The following MCTP1 variants were observed in gnomAD, a reference collection of about 807,000 sequenced individuals.
MCTP1 encodes the protein multiple C2 and transmembrane domain containing 1.
A neutral mutation model predicts 120.6 loss-of-function variants in MCTP1; 69 were observed. The ratio of observed to expected loss-of-function variants is 0.57; its 90% CI spans 0.47 to 0.70. The LOEUF (loss-of-function observed/expected upper bound fraction) is 0.70. Among genes scored for constraint, MCTP1 ranks in the 30% least tolerant of loss-of-function variants. The pLI is 0.00. For synonymous variants in MCTP1, 529 were observed against 493.1 expected, an observed-to-expected ratio of 1.07 and a Z score of -0.96; for missense variants, 1,203 against 1,248.8, an observed-to-expected ratio of 0.96 and a Z score of 0.55.
intron 11 of MCTP1, among the ~76,000 whole-genome samples, chr5:94,892,837 A>G (rs2153398210): frequency 6.6e-6 from 1 of 152,366 alleles, no homozygotes; most frequent in East Asian, 1.9e-4. Context: ...TTCAGAAATG[A>G]TATGGCATTC....
chr5:95,046,698 C>T (rs1027092907), intron 1 of MCTP1, among the ~76,000 whole-genome samples: 2 of 152,152 alleles, frequency 1.3e-5, no homozygotes, highest in African/African-American at 4.8e-5. Flanking sequence ...AACCTCTCAT[C>T]CTGATCCTTC....
At chr5:95,261,690 T>C (rs1758483216) in intron 1 of MCTP1, among the ~76,000 whole-genome samples, 1 of 152,242 alleles carries the variant, frequency 6.6e-6, no homozygotes, top group Non-Finnish European at 1.5e-5. Context: ...CATCTGATTG[T>C]TTCTTCCTAA....
chr5:95,207,047 ATTG>A (rs373533541), intron 1 of MCTP1, among the ~76,000 whole-genome samples: 3 of 152,214 alleles, frequency 2.0e-5, no homozygotes, highest in African/African-American at 4.8e-5. Flanking sequence ...GGATTTTGTT[ATTG>A]TTGTTGTTTT....
At chr5:95,146,029 CT>C (rs913042211) in intron 1 of MCTP1, among the ~76,000 whole-genome samples, 1 of 150,124 alleles carries the variant, frequency 6.7e-6, no homozygotes, top group Non-Finnish European at 1.5e-5. Flanking sequence ...TGGCTTTTTT[CT>C]TTTTTTTTAA....
chr5:94,848,910 AACTT>A (rs1239376454), intron 17 of MCTP1, among the ~76,000 whole-genome samples: 11 of 151,870 alleles, frequency 7.2e-5, no homozygotes, highest in African/African-American at 2.7e-4. Flanking sequence ...CAACACCTGA[AACTT>A]AAAATACTAA....
intron 19 of MCTP1, among the ~76,000 whole-genome samples, chr5:94,739,919 C>CAGT (rs1765131528): frequency 6.6e-6 from 1 of 152,192 alleles, no homozygotes; most frequent in African/African-American, 2.4e-5. Flanking sequence ...CCACCCACCT[C>CAGT]AGTCTCCCAA....
intron 18 of MCTP1, among the ~76,000 whole-genome samples, chr5:94,795,560 A>AAACC: frequency 6.6e-6 from 1 of 152,348 alleles, no homozygotes; most frequent in African/African-American, 2.4e-5. Flanking sequence ...GTGACAGCTC[A>AAACC]AACCAACAGA....
chr5:94,795,177 C>T (rs1386245616), intron 18 of MCTP1, among the ~76,000 whole-genome samples: 1 of 139,360 alleles, frequency 7.2e-6, no homozygotes. Context: ...TCTCTTTTCT[C>T]AAGGAAGAGC....
At chr5:94,760,275 T>C (rs140242600) in intron 19 of MCTP1, among the ~76,000 whole-genome samples, 2 of 152,276 alleles carry the variant, frequency 1.3e-5, no homozygotes, top group East Asian at 3.9e-4. Flanking sequence ...ATTCAGAAAC[T>C]ATATGACTCT....
chr5:94,909,224 G>A (rs1581294811), intron 10 of MCTP1, 27 bp downstream of exon 10: 2 of 1,610,700 alleles, frequency 1.2e-6, no homozygotes, highest in Non-Finnish European at 1.7e-6. Context: ...CTCTAGGAGT[G>A]AACCAAAAAT....
intron 19 of MCTP1, among the ~76,000 whole-genome samples, chr5:94,716,007 ACT>A (rs1759108664): frequency 6.6e-6 from 1 of 152,156 alleles, no homozygotes; most frequent in Non-Finnish European, 1.5e-5. Context: ...AGTCTAAAGC[ACT>A]CTACAGTGTG....
intron 1 of MCTP1, among the ~76,000 whole-genome samples, chr5:95,189,532 G>A (rs1194417697): frequency 6.6e-6 from 1 of 152,150 alleles, no homozygotes; most frequent in African/African-American, 2.4e-5. Context: ...TGGAGGCAAG[G>A]AAATGTCTGG....
intron 1 of MCTP1, among the ~76,000 whole-genome samples, chr5:95,202,020 A>G (rs1751115102): frequency 1.3e-5 from 2 of 152,196 alleles, no homozygotes; most frequent in African/African-American, 2.4e-5. Context: ...TAACAATAGC[A>G]GGAGAACTGG....
At chr5:95,200,460 CA>C (rs1308320703) in intron 1 of MCTP1, among the ~76,000 whole-genome samples, 1 of 152,142 alleles carries the variant, frequency 6.6e-6, no homozygotes, top group African/African-American at 2.4e-5. Flanking sequence ...TGTCCTTCAA[CA>C]GGTAAATGGA....
chr5:94,766,727 A>G lies in MCTP1; in HGVS notation c.2610+12383T>C, dbSNP rs146991924. 7.1e-3 allele frequency among the ~76,000 whole-genome samples: 1,089 copies of G among 152,308 alleles called. 7 individuals carry two copies. Among genetic ancestry groups the G allele is most frequent in the Middle Eastern group, 0.027 (8 of 294 alleles). ...ATTCCTGGACACATACAGCCTACCAAGATTGAACCAGGAAGAAACAGAAAA... is the reference window on the plus strand; with the variant it reads ...ATTCCTGGACACATACAGCCTACCAGGATTGAACCAGGAAGAAACAGAAAA... On this transcript the variant is annotated intron_variant, in intron 19 of 22. Coordinates refer to ENST00000515393, the MANE Select transcript of MCTP1 (RefSeq NM_024717.7).
chr5:94,744,060 T>TC (rs2152764886), intron 19 of MCTP1, among the ~76,000 whole-genome samples: 1 of 152,068 alleles, frequency 6.6e-6, no homozygotes, highest in South Asian at 2.1e-4. Context: ...AACCTCTGCT[T>TC]CCCGGGCTCA....
chr5:95,163,044 AC>A (rs948841090), intron 1 of MCTP1, among the ~76,000 whole-genome samples: 8 of 152,220 alleles, frequency 5.3e-5, no homozygotes, highest in African/African-American at 1.7e-4. Context: ...ACTTAAAAAA[AC>A]AAAAATTACA....
In MCTP1 at chr5:94,909,296, GTGA is replaced by G; in HGVS notation, c.1604_1606del (p.Ile535del). On this transcript the variant is annotated inframe_deletion, in exon 10 of 23. Transcript: ENST00000515393. ...TTTCCCAGCATCTTTGTCCCATGCAGTGATATCAATGACTCCTCCTCTTTCTTC... is the reference window on the plus strand; with the variant it reads ...TTTCCCAGCATCTTTGTCCCATGCAGTATCAATGACTCCTCCTCTTTCTTC... 1.2e-6 allele frequency: 2 copies of G among 1,610,936 alleles called. No homozygotes were observed. Among genetic ancestry groups the G allele is most frequent in the Non-Finnish European group, 1.7e-6 (2 of 1,178,668 alleles).
intron 1 of MCTP1, among the ~76,000 whole-genome samples, chr5:95,209,434 C>G (rs1752062868): frequency 6.6e-6 from 1 of 152,192 alleles, no homozygotes. Context: ...AGTTTTTCTA[C>G]TGTTAGCAGA....
Sources: allele counts gnomAD v4.1 joint callset (sites outside exome capture counted in the v4.1 genomes callset), GRCh38; gene constraint gnomAD v4.1.1; transcripts MANE v1.5; gene names NCBI Gene and HGNC (gene_info 2026-07-23, HGNC 2026-07-21).